ITGBL1: variants seen among roughly 807,000 people sequenced by gnomAD.
ITGBL1 encodes the protein integrin subunit beta like 1, also known as integrin beta-like protein 1.
In ITGBL1, 51 loss-of-function variants were observed where a neutral mutation model predicts 68.5. That is an observed-to-expected ratio of 0.74 (90% CI 0.59 to 0.94). The LOEUF (loss-of-function observed/expected upper bound fraction) is 0.94, where lower values mean the gene tolerates loss of function less well. Among genes scored for constraint, ITGBL1 ranks in the 40% least tolerant of loss-of-function variants. The probability of loss-of-function intolerance (pLI) is 0.00; values close to 1 mark genes in which losing one functional copy is unlikely to be tolerated. For missense variants in ITGBL1, 649 were observed against 647.4 expected (o/e 1.00, Z -0.03); for synonymous variants, 209 against 227.3 (o/e 0.92, Z 0.72).
At chr13:101,705,068 G>A (rs1056646515) in intron 8 of ITGBL1, among the ~76,000 whole-genome samples, 1 of 151,982 alleles carries the variant, frequency 6.6e-6, no homozygotes, top group African/African-American at 2.4e-5. Flanking sequence ...TCCCCCATTC[G>A]TATCCGATGT....
At chr13:101,671,587 C>T (rs186038680) in intron 7 of ITGBL1, among the ~76,000 whole-genome samples, 2,791 of 150,164 alleles carry the variant, frequency 0.019, 84 homozygotes, top group African/African-American at 0.065. Context: ...TACAGGCGCC[C>T]GCCACCACGC....
chr13:101,531,424 G>A (rs967001412), intron 2 of ITGBL1, among the ~76,000 whole-genome samples: 1 of 151,904 alleles, frequency 6.6e-6, no homozygotes, highest in African/African-American at 2.4e-5. Context: ...TACTTTTGTG[G>A]GTGTGATATT....
At chr13:101,514,685 A>C (rs2049168065) in intron 2 of ITGBL1, among the ~76,000 whole-genome samples, 1 of 152,064 alleles carries the variant, frequency 6.6e-6, no homozygotes, top group Non-Finnish European at 1.5e-5. Flanking sequence ...TATTGTCTGA[A>C]TTTCAATTTC....
At chr13:101,646,431 GTAAT>G (rs2032562193) in intron 7 of ITGBL1, among the ~76,000 whole-genome samples, 1 of 152,036 alleles carries the variant, frequency 6.6e-6, no homozygotes, top group Non-Finnish European at 1.5e-5. Flanking sequence ...TTAAAAAAAA[GTAAT>G]TAAAATGTAT....
intron 2 of ITGBL1, among the ~76,000 whole-genome samples, chr13:101,496,279 T>G (rs193039495): frequency 6.6e-6 from 1 of 152,126 alleles, no homozygotes; most frequent in Non-Finnish European, 1.5e-5. Flanking sequence ...GGGCATATAG[T>G]TGGGAGACTT....
chr13:101,615,334 C>T (rs1275870056), intron 7 of ITGBL1, among the ~76,000 whole-genome samples: 3 of 152,142 alleles, frequency 2.0e-5, no homozygotes, highest in Non-Finnish European at 2.9e-5. Context: ...TGAGGTGACA[C>T]CCTGGGGTCC....
intron 7 of ITGBL1, among the ~76,000 whole-genome samples, chr13:101,622,987 ATATGAGAACTTTTCAT>A (rs928480606): frequency 6.6e-6 from 1 of 151,734 alleles, no homozygotes; most frequent in African/African-American, 2.4e-5. Context: ...ATTGCAGATA[ATATGAGAACTTTTCAT>A]TATTTATGCT....
chr13:101,496,220 A>G (rs2048855697), intron 2 of ITGBL1, among the ~76,000 whole-genome samples: 1 of 152,208 alleles, frequency 6.6e-6, no homozygotes, highest in African/African-American at 2.4e-5. Context: ...AATGTAATCT[A>G]GAGGTAGACG....
chr13:101,489,853 C>A, intron 2 of ITGBL1: 2 of 682,880 alleles, frequency 2.9e-6, no homozygotes, highest in Non-Finnish European at 5.0e-6. Flanking sequence ...GTTTGTCTGA[C>A]TCATTGGTGA....
intron 2 of ITGBL1, among the ~76,000 whole-genome samples, chr13:101,503,631 C>T (rs929813098): frequency 6.6e-6 from 1 of 152,114 alleles, no homozygotes; most frequent in Non-Finnish European, 1.5e-5. Flanking sequence ...GGGAGTACAC[C>T]CTGAGTTTCC....
intron 7 of ITGBL1, among the ~76,000 whole-genome samples, chr13:101,604,887 T>TGTATATATATATACACACACACAC (rs1555361661): frequency 4.5e-5 from 1 of 22,164 alleles, no homozygotes; most frequent in African/African-American, 1.5e-4. Context: ...TATATATATA[T>TGTATATATATATACACACACACAC]ACACACACAC....
chr13:101,453,990 GC>G lies in ITGBL1; in HGVS notation c.207del (p.Cys69TrpfsTer10), dbSNP rs2048202017. On this transcript the variant is annotated frameshift_variant, in exon 2 of 11. Coordinates refer to ENST00000376180, the MANE Select transcript of ITGBL1 (RefSeq NM_004791.3). LOFTEE classifies it high-confidence loss of function. ...GAALCHGRGRCDCGVCICHVT... is the reference protein window; with the variant it reads ...GAALCHGRGRXDCGVCICHVT... ...GCGCTGTGCCACGGCCGGGGCCGCT[GC>G]GACTGCGGCGTCTGCATCTGCCACG... is the stretch of plus-strand genomic sequence containing the variant. 5 of 1,553,408 alleles carry G rather than the reference GC, an allele frequency of 3.2e-6. No individual in the cohort carries two copies. The highest frequency in any genetic ancestry group is 3.5e-6 in the Non-Finnish European group (4 of 1,149,154).
intron 2 of ITGBL1, among the ~76,000 whole-genome samples, chr13:101,481,085 CAT>C (rs1555353316): frequency 6.7e-6 from 1 of 149,006 alleles, no homozygotes; most frequent in Non-Finnish European, 1.5e-5. Flanking sequence ...TATATACACA[CAT>C]ATATATACAC....
intron 2 of ITGBL1, among the ~76,000 whole-genome samples, chr13:101,501,616 A>G (rs2048942114): frequency 6.6e-6 from 1 of 152,150 alleles, no homozygotes. Flanking sequence ...TGTTCCAGAG[A>G]ATTGTAATGC....
intron 2 of ITGBL1, among the ~76,000 whole-genome samples, chr13:101,545,857 G>T (rs1432125878): frequency 6.6e-6 from 1 of 152,156 alleles, no homozygotes; most frequent in Non-Finnish European, 1.5e-5. Flanking sequence ...GTTACTCCTA[G>T]TTAAACATTT....
At chr13:101,508,662 ATAAAAT>A (rs918212645) in intron 2 of ITGBL1, among the ~76,000 whole-genome samples, 11 of 152,146 alleles carry the variant, frequency 7.2e-5, no homozygotes, top group Non-Finnish European at 1.6e-4. Context: ...TATTTTTGAA[ATAAAAT>A]TTACATTGTT....
At chr13:101,461,973 T>C (rs977226549) in intron 2 of ITGBL1, among the ~76,000 whole-genome samples, 2 of 152,172 alleles carry the variant, frequency 1.3e-5, no homozygotes, top group Non-Finnish European at 2.9e-5. Flanking sequence ...TTCTGAAGAC[T>C]CTAGGAGAGA....
At chr13:101,636,434 CAGG>C (rs2032171098) in intron 7 of ITGBL1, among the ~76,000 whole-genome samples, 1 of 152,074 alleles carries the variant, frequency 6.6e-6, no homozygotes, top group African/African-American at 2.4e-5. Context: ...CAAGGGCTAA[CAGG>C]AGGAATTGGC....
Position 101,547,913 on chromosome 13 carries a change from A to G in ITGBL1, c.317-19786A>G, listed in dbSNP as rs1038137283. Among the ~76,000 whole-genome samples, 19 of 151,482 alleles carry G rather than the reference A, an allele frequency of 1.3e-4. 1 individual carries two copies. In the East Asian group the frequency reaches 2.1e-3, roughly 17 times the overall value. ...TGTATATATCTCTGTGTGTGTGTAT[A>G]TATATATATGTGTATATATATACAC... On this transcript the variant is annotated intron_variant, in intron 2 of 10. Transcript: ENST00000376180.
Sources: allele counts gnomAD v4.1 joint callset (sites outside exome capture counted in the v4.1 genomes callset), GRCh38; gene constraint gnomAD v4.1.1; transcripts MANE v1.5; gene names NCBI Gene and HGNC (gene_info 2026-07-23, HGNC 2026-07-21).